PLA2R1: variants seen among roughly 807,000 people sequenced by gnomAD.
PLA2R1 encodes phospholipase A2 receptor 1, also known as secretory phospholipase A2 receptor.
Under a neutral mutation model 195.9 loss-of-function variants are expected in PLA2R1, and 158 were observed. The ratio of observed to expected loss-of-function variants is 0.81; its 90% CI spans 0.71 to 0.92. PLA2R1 has a LOEUF of 0.92. PLA2R1 is among the 40% of genes least tolerant of loss of function. The pLI, the probability that PLA2R1 is intolerant of heterozygous loss-of-function variation, is 0.00. For synonymous variants in PLA2R1, 586 were observed against 598.2 expected (o/e 0.98, Z 0.30); for missense variants, 1,626 against 1,764.6 (o/e 0.92, Z 1.41).
chr2:160,033,146 C>T lies in PLA2R1; in HGVS notation c.668-14G>A, dbSNP rs371375861. On this transcript the variant is annotated splice_polypyrimidine_tract_variant and intron_variant, in intron 3 of 29. Transcript: ENST00000283243. ...CTTCTGCAGAGGCTGGAAACAATGG[C>T]CATTAAAAACAACCAGGTCTTATTT... The T allele has an allele frequency of 2.5e-6, 4 of 1,595,508 alleles. No individual in the cohort carries two copies. Among genetic ancestry groups the T allele is most frequent in the Non-Finnish European group, 3.4e-6 (4 of 1,170,964 alleles).
intron 20 of PLA2R1, among the ~76,000 whole-genome samples, chr2:159,965,883 T>C (rs1244132495): frequency 6.6e-6 from 1 of 152,140 alleles, no homozygotes; most frequent in Non-Finnish European, 1.5e-5. Context: ...TTAATTTGCA[T>C]TTCTGGAGTG....
In PLA2R1 at chr2:160,028,260, T is replaced by C. The variant is rs772847057; in HGVS notation, c.1057A>G (p.Ile353Val). 12 of 1,604,744 alleles carry C rather than the reference T, an allele frequency of 7.5e-6. No homozygotes were observed. In the South Asian group the frequency reaches 1.0e-4, roughly 13 times the overall value. ...SRDCESTLPY[I>V]CKKYLNHIDH... ...ATGTGGTTTAGATATTTTTTACATA[T>C]ATATGGCAAGGTGGACTCACAATCC... The change falls in exon 6 of 30, where the codon ATA (isoleucine) becomes GTA (valine). Residue 353 changes from isoleucine (I) to valine (V), a missense_variant. Ile to Val is a conservative substitution (Grantham distance 29). Transcript: ENST00000283243.
intron 2 of PLA2R1, among the ~76,000 whole-genome samples, 162 bp downstream of exon 2, chr2:160,044,612 C>T (rs1458249048): frequency 6.6e-6 from 1 of 152,130 alleles, no homozygotes; most frequent in African/African-American, 2.4e-5. Flanking sequence ...CTCTCATAAC[C>T]CTTTTACCAT....
At position 159,950,635 on chromosome 2, in the gene PLA2R1, C is replaced by T. The variant is rs139300262; in HGVS notation, c.3540+705G>A. 2.6e-5 allele frequency among the ~76,000 whole-genome samples: 4 copies of T among 152,182 alleles called. No individual in the cohort carries two copies. In the East Asian group the frequency reaches 7.7e-4, roughly 29 times the overall value. On this transcript the variant is annotated intron_variant, in intron 24 of 29. Transcript: ENST00000283243. ...GTTAAAGATATATTAAATTAAAAAG[C>T]AAGTTTAAAGACAGCATGTAGAATA...
intron 1 of PLA2R1, among the ~76,000 whole-genome samples, chr2:160,059,200 A>G (rs1280144482): frequency 6.6e-6 from 1 of 152,210 alleles, no homozygotes; most frequent in Non-Finnish European, 1.5e-5. Context: ...GTAAATACAG[A>G]TGAAGCCTCT....
intron 3 of PLA2R1, among the ~76,000 whole-genome samples, chr2:160,033,955 A>C (rs1201955900): frequency 6.6e-6 from 1 of 152,216 alleles, no homozygotes; most frequent in Non-Finnish European, 1.5e-5. Context: ...ACAGGCAACC[A>C]GCTGAAGTCT....
intron 22 of PLA2R1, among the ~76,000 whole-genome samples, 173 bp from the exon 23 acceptor site, chr2:159,955,519 T>C (rs574118275): frequency 6.6e-6 from 1 of 151,888 alleles, no homozygotes; most frequent in African/African-American, 2.4e-5. Context: ...ATTATTGTGA[T>C]GAGTAAAGTA....
rs765071529 is a variant in PLA2R1 at position 159,935,551 on chromosome 2, G to A, written c.*6227C>T. The A allele has an allele frequency of 2.0e-5, 3 of 152,194 alleles. No individual in the cohort carries two copies. Among genetic ancestry groups the A allele is most frequent in the Non-Finnish European group, 4.4e-5 (3 of 68,022 alleles). The allele number at this position is 152,194 out of a possible 1,614,324, so 9.4% of individuals were successfully genotyped here. A position where few individuals can be genotyped will look rare whatever the true frequency, so the allele number is the denominator to read the frequency against. ...TAATTTTTTATTGTTTGCTCAAATT[G>A]TTCCAGCATTTCCACTGGAGAGCTC... On this transcript the variant is annotated 3_prime_UTR_variant, in exon 30 of 30. Coordinates refer to ENST00000283243, the MANE Select transcript of PLA2R1 (RefSeq NM_007366.5).
intron 1 of PLA2R1, among the ~76,000 whole-genome samples, chr2:160,061,263 T>C (rs1285472014): frequency 3.3e-5 from 5 of 152,196 alleles, no homozygotes; most frequent in African/African-American, 1.2e-4. Flanking sequence ...AGGCGCAGGC[T>C]TCTCTGCCTG....
chr2:160,001,574 C>T (rs1218567746), intron 11 of PLA2R1, among the ~76,000 whole-genome samples: 1 of 151,904 alleles, frequency 6.6e-6, no homozygotes, highest in Non-Finnish European at 1.5e-5. Flanking sequence ...GATACATTAA[C>T]TCTAAGAACA....
intron 18 of PLA2R1, 26 bp from the exon 19 acceptor site, chr2:159,969,385 G>T (rs371594184): frequency 3.9e-6 from 5 of 1,269,180 alleles, no homozygotes; most frequent in Non-Finnish European, 5.8e-6. Flanking sequence ...AAATGTTAAG[G>T]TCTTCTCTCA....
intron 4 of PLA2R1, among the ~76,000 whole-genome samples, chr2:160,029,320 A>T (rs1693712292): frequency 6.6e-6 from 1 of 152,218 alleles, no homozygotes; most frequent in Admixed American, 6.5e-5. Context: ...GTGCAGGGTC[A>T]GTCCCAGAAA....
chr2:160,036,881 C>T lies in PLA2R1; in HGVS notation c.668-3749G>A, dbSNP rs181573800. On this transcript the variant is annotated intron_variant, in intron 3 of 29. Coordinates refer to ENST00000283243, the MANE Select transcript of PLA2R1 (RefSeq NM_007366.5). The stretch of plus-strand genomic sequence containing the variant: ...TGACCCTCGATGGCTGTGCTGTTCC[C>T]TGGGGAAAAATGGAACGGGGGAGGT... Among the ~76,000 whole-genome samples the T allele has an allele frequency of 8.7e-5, 12 of 137,434 alleles. No individual in the cohort carries two copies. The East Asian group carries it at 2.3e-3, about 26-fold the overall frequency. The allele number at this position is 137,434 out of a possible 152,430, so 90.2% of individuals were successfully genotyped here.
chr2:160,048,172 G>GA (rs1289536830), intron 1 of PLA2R1, among the ~76,000 whole-genome samples: 1 of 152,154 alleles, frequency 6.6e-6, no homozygotes, highest in African/African-American at 2.4e-5. Context: ...AATGTTAAGA[G>GA]AAAAAGAGTG....
intron 1 of PLA2R1, among the ~76,000 whole-genome samples, chr2:160,061,134 C>T (rs890712624): frequency 6.6e-6 from 1 of 152,084 alleles, no homozygotes; most frequent in Non-Finnish European, 1.5e-5. Context: ...CTTGTGTTAC[C>T]CCTTCTCTCC....
rs1365021075 is a variant in PLA2R1, at chr2:159,939,900, A to C, written c.*1878T>G. On this transcript the variant is annotated 3_prime_UTR_variant, in exon 30 of 30. Transcript: ENST00000283243. ...CAAGCCAATTATTTTTTGAGTCATA[A>C]ATATGCAACTGCCACATAATATAAT... The C allele has an allele frequency of 6.6e-6, 1 of 152,204 alleles. No individual in the cohort carries two copies. The highest frequency in any genetic ancestry group is 1.5e-5 in the Non-Finnish European group (1 of 68,042). 9.4% of individuals were successfully genotyped at this position (152,204 alleles called of 1,614,324 possible). A position where few individuals can be genotyped will look rare whatever the true frequency, so the allele number is the denominator to read the frequency against.
intron 12 of PLA2R1, among the ~76,000 whole-genome samples, chr2:159,985,524 A>T (rs1560177527): frequency 6.6e-6 from 1 of 152,204 alleles, no homozygotes; most frequent in Non-Finnish European, 1.5e-5. Flanking sequence ...TCTAAAGCTG[A>T]TTTTAAAAAT....
intron 27 of PLA2R1, 156 bp downstream of exon 27, chr2:159,946,645 T>G (rs1687403036): frequency 1.4e-6 from 2 of 1,391,956 alleles, no homozygotes; most frequent in Admixed American, 3.2e-5. Context: ...AGAAAAGGGT[T>G]GCAATGTTGT....
intron 3 of PLA2R1, among the ~76,000 whole-genome samples, chr2:160,035,049 A>G (rs934893216): frequency 2.6e-5 from 4 of 152,242 alleles, no homozygotes; most frequent in African/African-American, 9.6e-5. Flanking sequence ...TGAAACATAA[A>G]TGAAGTCTGT....
Sources: allele counts gnomAD v4.1 joint callset (sites outside exome capture counted in the v4.1 genomes callset), GRCh38; gene constraint gnomAD v4.1.1; transcripts MANE v1.5; gene names NCBI Gene and HGNC (gene_info 2026-07-23, HGNC 2026-07-21).